ANK2: variants seen among roughly 807,000 people sequenced by gnomAD.
ANK2 encodes ankyrin-2.
Under a neutral mutation model 360.5 loss-of-function variants are expected in ANK2, and 83 were observed. The ratio of observed to expected loss-of-function variants is 0.23; its 90% confidence interval spans 0.19 to 0.28. The LOEUF is 0.28. ANK2 is among the 10% of genes least tolerant of loss of function. The pLI is 1.00. For missense variants in ANK2, 4,201 were observed against 4,795.7 expected (o/e 0.88, Z 3.66); for synonymous variants, 1,740 against 1,759.5 (o/e 0.99, Z 0.28).
chr4:112,971,394 G>T (rs2039463978), intron 2 of ANK2, among the ~76,000 whole-genome samples: 1 of 152,176 alleles, frequency 6.6e-6, no homozygotes, highest in South Asian at 2.1e-4. Context: ...TGCACTAAAA[G>T]CATACCTAGT....
chr4:113,291,985 A>G (rs2067912650), intron 20 of ANK2, among the ~76,000 whole-genome samples: 1 of 152,116 alleles, frequency 6.6e-6, no homozygotes, highest in Non-Finnish European at 1.5e-5. Flanking sequence ...GGTTTATATG[A>G]CCCTCTGCAA....
intron 1 of ANK2, among the ~76,000 whole-genome samples, chr4:113,136,515 CT>C (rs1476368153): frequency 3.3e-5 from 5 of 152,044 alleles, no homozygotes; most frequent in Admixed American, 3.3e-4. Context: ...AACCCTGTCT[CT>C]ACCAAAAATA....
chr4:113,252,949 G>A (rs1024440177), intron 10 of ANK2, among the ~76,000 whole-genome samples: 1 of 152,086 alleles, frequency 6.6e-6, no homozygotes, highest in Non-Finnish European at 1.5e-5. Context: ...ATTCACTCTC[G>A]ATCCCTGCTA....
chr4:113,381,538 G>A lies in ANK2; in HGVS notation c.*67G>A, dbSNP rs2097172918. On this transcript the variant is annotated 3_prime_UTR_variant, in exon 46 of 46. Coordinates refer to ENST00000357077, the MANE Select transcript of ANK2 (RefSeq NM_001148.6). ...GAAAACGCATTGACTTGGAGCACCT[G>A]GAGGATGTACCAGAAGCACTAGACC... is the stretch of plus-strand genomic sequence containing the variant. 1 of 1,613,416 alleles carries A rather than the reference G, an allele frequency of 6.2e-7. No individual in the cohort carries two copies. The highest frequency in any genetic ancestry group is 8.5e-7 in the Non-Finnish European group (1 of 1,179,680).
intron 20 of ANK2, among the ~76,000 whole-genome samples, chr4:113,290,296 T>C (rs2066889244): frequency 6.6e-6 from 1 of 152,062 alleles, no homozygotes; most frequent in African/African-American, 2.4e-5. Flanking sequence ...TTTTTTCACA[T>C]GAAAATGACA....
intron 4 of ANK2, 46 bp downstream of exon 4, chr4:113,199,155 A>G: frequency 6.9e-7 from 1 of 1,452,936 alleles, no homozygotes; most frequent in Non-Finnish European, 9.7e-7. Flanking sequence ...TTAAATTAGA[A>G]CAGTTTTGTG....
chr4:112,761,179 T>C, the ANK2 span, among the ~76,000 whole-genome samples: 1 of 152,182 alleles, frequency 6.6e-6, no homozygotes, highest in South Asian at 2.1e-4. Flanking sequence ...GTATGTTGTT[T>C]TTATAATGTC....
intron 1 of ANK2, among the ~76,000 whole-genome samples, chr4:113,143,673 G>A (rs947657183): frequency 6.6e-6 from 1 of 152,130 alleles, no homozygotes; most frequent in African/African-American, 2.4e-5. Flanking sequence ...GAATAAAATA[G>A]TTCATATATG....
At position 113,370,685 on chromosome 4, in the gene ANK2, G is replaced by A. The variant is rs534752265; in HGVS notation, c.11610+880G>A. On this transcript the variant is annotated intron_variant, in intron 43 of 45. Coordinates refer to ENST00000357077, the MANE Select transcript of ANK2 (RefSeq NM_001148.6). ...TGAGGCAGGAGAATGGCATGAACCC[G>A]GGAAGCGGAGCTTGCAGTGAGCCAA... Among the ~76,000 whole-genome samples, 23 of 152,274 alleles carry A rather than the reference G, an allele frequency of 1.5e-4. No homozygotes were observed. In the South Asian group the frequency reaches 2.7e-3, roughly 18 times the overall value.
chr4:113,018,640 C>T (rs2057277187), intron 2 of ANK2, among the ~76,000 whole-genome samples: 1 of 152,174 alleles, frequency 6.6e-6, no homozygotes, highest in South Asian at 2.1e-4. Flanking sequence ...CTAGCACCTG[C>T]ATGGTTTCTC....
At chr4:112,932,880 A>T (rs2093392327) in intron 2 of ANK2, among the ~76,000 whole-genome samples, 1 of 152,176 alleles carries the variant, frequency 6.6e-6, no homozygotes, top group Non-Finnish European at 1.5e-5. Context: ...AAGTTCAATG[A>T]TCCACCAAAA....
At chr4:112,923,458 A>G (rs1377321798) in intron 2 of ANK2, among the ~76,000 whole-genome samples, 7 of 151,712 alleles carry the variant, frequency 4.6e-5, no homozygotes, top group Non-Finnish European at 8.8e-5. Flanking sequence ...TTTAATGAGC[A>G]CCTGTCTAAT....
chr4:113,168,608 T>G (rs796541301), intron 1 of ANK2, among the ~76,000 whole-genome samples: 2 of 152,222 alleles, frequency 1.3e-5, no homozygotes, highest in African/African-American at 4.8e-5. Flanking sequence ...AATTTATGGT[T>G]TATAAATTGG....
intron 2 of ANK2, among the ~76,000 whole-genome samples, chr4:112,927,673 T>A (rs897594599): frequency 3.3e-5 from 5 of 152,214 alleles, no homozygotes; most frequent in Non-Finnish European, 5.9e-5. Context: ...TTGCAACCAT[T>A]GGTTACATCA....
Position 113,287,653 on chromosome 4 carries a change from G to A in ANK2, c.2128G>A (p.Val710Ile), listed in dbSNP as rs779008591. 2 of 1,613,614 alleles carry A rather than the reference G, an allele frequency of 1.2e-6. No homozygotes were observed. The highest frequency in any genetic ancestry group is 1.7e-5 in the Admixed American group (1 of 60,018). ...TGCAGCCCAGGAAGATAAAGTGAAT[G>A]TTGCTGATATTCTCACCAAGCATGG... ...HLAAQEDKVN[V>I]ADILTKHGAD... The change falls in exon 19 of 46, where the codon GTT (valine) becomes ATT (isoleucine). Residue 710 changes from valine to isoleucine, a missense_variant. Val to Ile is a conservative substitution (Grantham distance 29, BLOSUM62 3). Coordinates refer to ENST00000357077, the MANE Select transcript of ANK2 (RefSeq NM_001148.6).
chr4:112,825,483 G>A (rs1323855536), intron 1 of ANK2, among the ~76,000 whole-genome samples: 1 of 152,128 alleles, frequency 6.6e-6, no homozygotes, highest in Non-Finnish European at 1.5e-5. Flanking sequence ...TTTGGTTTAT[G>A]TCCTTTTCAT....
At chr4:112,964,793 T>A (rs1459257382) in intron 2 of ANK2, among the ~76,000 whole-genome samples, 4 of 152,098 alleles carry the variant, frequency 2.6e-5, no homozygotes, top group Non-Finnish European at 5.9e-5. Context: ...ATGGTCTCGA[T>A]CTCATGACCT....
chr4:113,041,880 A>G (rs1364924437), intron 2 of ANK2, among the ~76,000 whole-genome samples: 1 of 152,110 alleles, frequency 6.6e-6, no homozygotes, highest in Non-Finnish European at 1.5e-5. Flanking sequence ...TGAGAGACAA[A>G]TAATCTTTCT....
chr4:112,888,660 A>G (rs915997427), intron 1 of ANK2, among the ~76,000 whole-genome samples: 1 of 152,124 alleles, frequency 6.6e-6, no homozygotes, highest in Non-Finnish European at 1.5e-5. Flanking sequence ...ACAACCTAGC[A>G]ATGCTCAAAA....
Sources: gnomAD v4.1 joint callset for allele counts (sites outside exome capture counted in the v4.1 genomes callset) on GRCh38, gnomAD v4.1.1 for gene constraint, MANE v1.5 for transcripts, NCBI Gene and HGNC (gene_info 2026-07-23, HGNC 2026-07-21) for gene names.